RANBP2: variants seen among roughly 807,000 people sequenced by gnomAD.
The protein encoded by RANBP2 is RAN binding protein 2.
RANBP2 carries 57 observed loss-of-function variants against 303.6 expected under a neutral mutation model. The ratio of observed to expected loss-of-function variants is 0.19; its 90% CI spans 0.15 to 0.23. The LOEUF is 0.23. Ranked by LOEUF, RANBP2 falls within the 10% of genes least tolerant of loss-of-function variation. The pLI is 1.00. For missense variants in RANBP2, 3,138 were observed against 3,780.8 expected (o/e 0.83, Z 4.46); for synonymous variants, 1,167 against 1,301.5 (o/e 0.90, Z 2.23).
chr2:109,629,337 ATATATATATATATATATATTTTTT>A, the RANBP2 span, among the ~76,000 whole-genome samples: 32 of 10,148 alleles, frequency 3.2e-3, 1 homozygote, highest in African/African-American at 0.013. Context: ...ATATATATAT[ATATATATATATATATATATTTTTT>A]TTTTTTTTTT....
At chr2:109,132,169 T>G in the RANBP2 span, among the ~76,000 whole-genome samples, 1 of 152,208 alleles carries the variant, frequency 6.6e-6, no homozygotes, top group South Asian at 2.1e-4. Flanking sequence ...TATGCCATGA[T>G]AGCAGGTAAC....
At chr2:109,236,145 G>A in the RANBP2 span, among the ~76,000 whole-genome samples, 1 of 152,262 alleles carries the variant, frequency 6.6e-6, no homozygotes, top group South Asian at 2.1e-4. Flanking sequence ...ATTTCTGGGG[G>A]ACATTTTTAG....
the RANBP2 span, among the ~76,000 whole-genome samples, chr2:109,390,237 C>A: frequency 6.6e-6 from 1 of 152,258 alleles, no homozygotes; most frequent in South Asian, 2.1e-4. Flanking sequence ...CACTTCTTTG[C>A]CCATAAACTA....
the RANBP2 span, among the ~76,000 whole-genome samples, chr2:109,214,323 C>T: frequency 1.3e-5 from 2 of 152,210 alleles, no homozygotes; most frequent in Non-Finnish European, 2.9e-5. Flanking sequence ...AGCATTGCTA[C>T]CCTGGCAGAG....
chr2:109,071,280 A>G, the RANBP2 span, among the ~76,000 whole-genome samples: 1 of 152,228 alleles, frequency 6.6e-6, no homozygotes, highest in Non-Finnish European at 1.5e-5. Context: ...GCATCTGGAT[A>G]CAGAGATATG....
the RANBP2 span, among the ~76,000 whole-genome samples, chr2:108,953,116 T>C: frequency 1.3e-5 from 2 of 152,236 alleles, no homozygotes; most frequent in African/African-American, 4.8e-5. Flanking sequence ...CCCTCAAGCA[T>C]TTATCCTTTG....
At chr2:109,520,897 AT>A in the RANBP2 span, among the ~76,000 whole-genome samples, 1 of 140,604 alleles carries the variant, frequency 7.1e-6, no homozygotes, top group African/African-American at 2.5e-5. Context: ...GCGCCACTGC[AT>A]TCTATCTAGC....
At chr2:109,353,016 C>T in the RANBP2 span, among the ~76,000 whole-genome samples, 29 of 152,380 alleles carry the variant, frequency 1.9e-4, no homozygotes, top group African/African-American at 6.5e-4. Flanking sequence ...TGGCCCTGGC[C>T]GCTGCAGCTG....
chr2:109,615,030 C>A, the RANBP2 span: 42 of 1,547,738 alleles, frequency 2.7e-5, no homozygotes, highest in South Asian at 4.8e-4. Flanking sequence ...GCTCCCGCCA[C>A]ATGGCTGCGA....
At chr2:108,807,779 G>T in the RANBP2 span, among the ~76,000 whole-genome samples, 6 of 151,950 alleles carry the variant, frequency 3.9e-5, no homozygotes, top group East Asian at 1.2e-3. Context: ...CACCACACCT[G>T]GCTAATTTTT....
chr2:109,399,986 T>A, the RANBP2 span, among the ~76,000 whole-genome samples: 23 of 152,178 alleles, frequency 1.5e-4, no homozygotes, highest in African/African-American at 5.3e-4. Context: ...CCTTCCAGAG[T>A]CCCTCTGGCT....
At chr2:109,473,532 C>G in the RANBP2 span, among the ~76,000 whole-genome samples, 1 of 152,098 alleles carries the variant, frequency 6.6e-6, no homozygotes, top group Admixed American at 6.5e-5. Flanking sequence ...AGGGTTAGAG[C>G]GACAGAGAGG....
At chr2:108,837,529 T>A in the RANBP2 span, among the ~76,000 whole-genome samples, 1 of 152,188 alleles carries the variant, frequency 6.6e-6, no homozygotes, top group African/African-American at 2.4e-5. Flanking sequence ...AGAAAACAGA[T>A]TATAATGGAG....
At chr2:109,041,245 G>T in the RANBP2 span, among the ~76,000 whole-genome samples, 1 of 151,844 alleles carries the variant, frequency 6.6e-6, no homozygotes, top group Non-Finnish European at 1.5e-5. Context: ...CTACTTATAC[G>T]AGTATAGCAT....
At chr2:109,186,130 C>T in the RANBP2 span, among the ~76,000 whole-genome samples, 2 of 152,240 alleles carry the variant, frequency 1.3e-5, no homozygotes, top group Non-Finnish European at 1.5e-5. Flanking sequence ...TCTCTGTGTC[C>T]TTGAAATGCT....
chr2:109,493,441 G>T, the RANBP2 span, among the ~76,000 whole-genome samples: 2 of 148,146 alleles, frequency 1.4e-5, no homozygotes, highest in Non-Finnish European at 3.0e-5. Context: ...CTACACACAT[G>T]TGCAAACACA....
chr2:109,336,257 G>C, the RANBP2 span, among the ~76,000 whole-genome samples: 3 of 152,166 alleles, frequency 2.0e-5, no homozygotes, highest in African/African-American at 7.2e-5. Flanking sequence ...TGCTGGGAAG[G>C]CTGTCTTGTT....
chr2:108,851,774 C>T, the RANBP2 span, among the ~76,000 whole-genome samples: 1 of 152,122 alleles, frequency 6.6e-6, no homozygotes, highest in African/African-American at 2.4e-5. Flanking sequence ...CAGAGACCTT[C>T]CCCTGAGGCC....
the RANBP2 span, among the ~76,000 whole-genome samples, chr2:109,074,977 G>C: frequency 8.7e-6 from 1 of 115,264 alleles, no homozygotes; most frequent in African/African-American, 3.3e-5. Context: ...AGTGAGCCGA[G>C]ATCACACCAC....
Sources: allele counts gnomAD v4.1 joint callset (sites outside exome capture counted in the v4.1 genomes callset), GRCh38; gene constraint gnomAD v4.1.1; transcripts MANE v1.5; gene names NCBI Gene and HGNC (gene_info 2026-07-23, HGNC 2026-07-21).